NOSTRIN: variants seen among roughly 807,000 people sequenced by gnomAD.
The protein encoded by NOSTRIN is BM247 homolog.
In NOSTRIN, 63 loss-of-function variants were observed where a neutral mutation model predicts 59.0. That is an observed-to-expected ratio of 1.07 (90% CI 0.87 to 1.32). The LOEUF is 1.32. Ranked by LOEUF, NOSTRIN falls within the 40% of genes most tolerant of loss-of-function variation. The probability of loss-of-function intolerance (pLI) is 0.00; values close to 1 mark genes in which losing one functional copy is unlikely to be tolerated. For synonymous variants in NOSTRIN, 200 were observed against 165.4 expected, an observed-to-expected ratio of 1.21 and a Z score of -1.61; for missense variants, 512 against 473.1, an observed-to-expected ratio of 1.08 and a Z score of -0.76.
At position 168,851,319 on chromosome 2, in the gene NOSTRIN, T is replaced by C. The variant is rs756055765; in HGVS notation, c.770T>C (p.Ile257Thr). The change falls in exon 10 of 16, where the codon ATT (isoleucine) becomes ACT (threonine). Residue 257 changes from isoleucine (I) to threonine (T), a missense_variant. Physicochemically the swap from Ile to Thr is moderately conservative, Grantham distance 89 (BLOSUM62 -1). Transcript: ENST00000317647. ...QIHCAISKID[I>T]EKDIQAVMEE... ...CACTGTGCCATCAGCAAGATTGACATTGAAAAAGATATCCAGGCTGTAATG... is the reference window on the plus strand; with the variant it reads ...CACTGTGCCATCAGCAAGATTGACACTGAAAAAGATATCCAGGCTGTAATG... 7 of 1,613,850 alleles carry C rather than the reference T, an allele frequency of 4.3e-6. No homozygotes were observed. The highest frequency in any genetic ancestry group is 2.2e-5 in the East Asian group (1 of 44,874).
intron 12 of NOSTRIN, 123 bp downstream of exon 12, chr2:168,856,901 G>T (rs77824647): frequency 1.8e-5 from 15 of 822,336 alleles, no homozygotes; most frequent in Admixed American, 6.6e-5. Context: ...ACAATCTAGT[G>T]GGGGAGCTTA....
upstream of NOSTRIN, among the ~76,000 whole-genome samples, chr2:168,797,079 C>CTTTTTT (rs775176252): frequency 3.2e-3 from 238 of 75,042 alleles, 8 homozygotes; most frequent in South Asian, 7.2e-3. Context: ...TTTCTTTTTT[C>CTTTTTT]TTTTTTTTTT....
intron 6 of NOSTRIN, among the ~76,000 whole-genome samples, chr2:168,833,082 T>C (rs1035266490): frequency 7.4e-4 from 112 of 152,362 alleles, no homozygotes; most frequent in Middle Eastern, 3.4e-3. Flanking sequence ...AAGTCATTTT[T>C]TTAAATAAAA....
chr2:168,787,094 G>C (rs567697711), intron 1 of NOSTRIN: 2 of 152,272 alleles, frequency 1.3e-5, no homozygotes, highest in African/African-American at 4.8e-5. Flanking sequence ...TTCGCTGCTC[G>C]TAACAGCTGC....
chr2:168,824,537 G>T (rs1016403266), intron 2 of NOSTRIN, 97 bp from the exon 3 acceptor site: 9 of 686,678 alleles, frequency 1.3e-5, no homozygotes, highest in Non-Finnish European at 2.4e-5. Context: ...GGCCTCAAGT[G>T]ATCTGCCTGC....
intron 7 of NOSTRIN, among the ~76,000 whole-genome samples, chr2:168,839,622 A>G (rs568082049): frequency 6.6e-6 from 1 of 152,262 alleles, no homozygotes; most frequent in East Asian, 1.9e-4. Context: ...GTAAGAATAC[A>G]GGAGTCTACA....
At chr2:168,822,212 C>A (rs921102935) in intron 2 of NOSTRIN, among the ~76,000 whole-genome samples, 1 of 152,204 alleles carries the variant, frequency 6.6e-6, no homozygotes, top group Non-Finnish European at 1.5e-5. Flanking sequence ...AAAATACTTG[C>A]CTTAGCCTTT....
upstream of NOSTRIN, among the ~76,000 whole-genome samples, chr2:168,795,853 T>C (rs1685465254): frequency 6.6e-6 from 1 of 152,232 alleles, no homozygotes; most frequent in South Asian, 2.1e-4. Context: ...TTAGTGTTTG[T>C]CCCCACTGCT....
chr2:168,851,890 A>C (rs1688788614), intron 10 of NOSTRIN, among the ~76,000 whole-genome samples: 1 of 152,140 alleles, frequency 6.6e-6, no homozygotes, highest in Non-Finnish European at 1.5e-5. Flanking sequence ...TCAAGGTATC[A>C]GGTTGGGCTG....
Position 168,856,790 on chromosome 2 carries a change from C to G in NOSTRIN, c.1053+12C>G. 1 of 1,610,576 alleles carries G rather than the reference C, an allele frequency of 6.2e-7. No individual in the cohort carries two copies. Among genetic ancestry groups the G allele is most frequent in the South Asian group, 1.1e-5 (1 of 91,004 alleles). On this transcript the variant is annotated intron_variant, in intron 12 of 15. Coordinates refer to ENST00000317647, the MANE Select transcript of NOSTRIN (RefSeq NM_001039724.4). Reference sequence around the variant, plus strand: ...CGTTAATGGATGAGGTAAATGTTTGCCGAGTGCATTTCCTAGATGTAGTGA... The same window carrying G: ...CGTTAATGGATGAGGTAAATGTTTGGCGAGTGCATTTCCTAGATGTAGTGA...
intron 6 of NOSTRIN, among the ~76,000 whole-genome samples, chr2:168,833,771 T>A (rs1687510436): frequency 1.3e-5 from 2 of 151,786 alleles, no homozygotes; most frequent in African/African-American, 4.9e-5. Context: ...GGAGCAGAAT[T>A]GTGACCCTTG....
At chr2:168,824,063 G>A (rs932138046) in intron 2 of NOSTRIN, among the ~76,000 whole-genome samples, 5 of 152,078 alleles carry the variant, frequency 3.3e-5, no homozygotes, top group African/African-American at 1.2e-4. Context: ...CAACAAGAGG[G>A]AAACTCCATC....
chr2:168,861,903 G>A (rs1416632456), intron 14 of NOSTRIN, 57 bp from the exon 15 acceptor site: 5 of 1,483,328 alleles, frequency 3.4e-6, no homozygotes, highest in Non-Finnish European at 1.9e-6. Context: ...AAGAGCTTCA[G>A]CTCATATTCA....
intron 12 of NOSTRIN, 155 bp from the exon 13 acceptor site, chr2:168,859,357 A>G: frequency 1.8e-6 from 2 of 1,117,008 alleles, no homozygotes; most frequent in Admixed American, 2.9e-5. Flanking sequence ...TTATTCCTCC[A>G]TTTTTTTTTC....
At chr2:168,863,508 T>A in intron 15 of NOSTRIN, 1 of 985,406 alleles carries the variant, frequency 1.0e-6, no homozygotes, top group Non-Finnish European at 1.2e-6. Flanking sequence ...TCTACTTTTA[T>A]GACAAGAGCC....
chr2:168,831,881 C>G (rs1687382287), intron 6 of NOSTRIN, among the ~76,000 whole-genome samples: 1 of 152,192 alleles, frequency 6.6e-6, no homozygotes, highest in African/African-American at 2.4e-5. Flanking sequence ...GGATACAGAG[C>G]TGGTTAATGG....
upstream of NOSTRIN, chr2:168,802,465 CT>C: frequency 1.7e-6 from 1 of 590,390 alleles, no homozygotes; most frequent in South Asian, 1.9e-5. Flanking sequence ...CAGTTCTTTA[CT>C]TTCTCGGGAC....
chr2:168,792,884 A>G (rs947556911), intron 2 of NOSTRIN, among the ~76,000 whole-genome samples: 2 of 152,222 alleles, frequency 1.3e-5, no homozygotes, highest in African/African-American at 4.8e-5. Flanking sequence ...TGTGAAATAT[A>G]TGGTATTACT....
rs985115620 is a variant in NOSTRIN, at chr2:168,860,797, G to A, written c.1182G>A (p.Glu394=). 2 of 1,578,904 alleles carry A rather than the reference G, an allele frequency of 1.3e-6. No individual in the cohort carries two copies. The highest frequency in any genetic ancestry group is 1.7e-6 in the Non-Finnish European group (2 of 1,147,996). ...SNSIFRWREK[E]HTHSYVKISR... ...GACTTTTTATGTCATTTGAACAGGA[G>A]CATACTCATAGCTATGTGAAAATAT... The change falls in exon 14 of 16, where the codon GAG becomes GAA. Residue 394 remains glutamate, a splice_region_variant and synonymous_variant. Transcript: ENST00000317647.
Sources: allele counts gnomAD v4.1 joint callset (sites outside exome capture counted in the v4.1 genomes callset), GRCh38; gene constraint gnomAD v4.1.1; transcripts MANE v1.5; gene names NCBI Gene and HGNC (gene_info 2026-07-23, HGNC 2026-07-21).